The following CATSPERT variants were observed in gnomAD, a reference collection of about 807,000 sequenced individuals.
CATSPERT encodes catsper channel auxiliary subunit tau, also known as cation channel sperm-associated targeting subunit tau.
chr2:201,495,012 T>A, the CATSPERT span, among the ~76,000 whole-genome samples: 1 of 152,140 alleles, frequency 6.6e-6, no homozygotes, highest in Admixed American at 6.5e-5. Context: ...GGAATATTTT[T>A]AAATACTTAA....
At chr2:201,559,715 C>G in the CATSPERT span, among the ~76,000 whole-genome samples, 2 of 152,316 alleles carry the variant, frequency 1.3e-5, no homozygotes, top group Admixed American at 6.5e-5. Context: ...ACTACTGGAT[C>G]CACCTAGAAC....
the CATSPERT span, among the ~76,000 whole-genome samples, chr2:201,533,473 T>C: frequency 1.3e-5 from 2 of 152,220 alleles, no homozygotes; most frequent in South Asian, 4.1e-4. Context: ...AATTTAAGTG[T>C]CTGTTCCAAT....
the CATSPERT span, among the ~76,000 whole-genome samples, chr2:201,562,521 TA>T: frequency 6.1e-3 from 686 of 112,188 alleles, 4 homozygotes; most frequent in African/African-American, 0.019. Flanking sequence ...TTTATTTATT[TA>T]TTTATTTTTT....
the CATSPERT span, among the ~76,000 whole-genome samples, chr2:201,506,293 A>AAACAAAC: frequency 1.3e-5 from 2 of 151,778 alleles, no homozygotes; most frequent in Non-Finnish European, 2.9e-5. Context: ...ACAAACAAAC[A>AAACAAAC]AAACACCAAG....
the CATSPERT span, among the ~76,000 whole-genome samples, chr2:201,592,723 C>T: frequency 6.6e-6 from 1 of 152,020 alleles, no homozygotes. Flanking sequence ...AGTGTATGTG[C>T]CGACGAATTT....
chr2:201,617,239 C>T, the CATSPERT span, among the ~76,000 whole-genome samples: 5 of 152,142 alleles, frequency 3.3e-5, no homozygotes, highest in East Asian at 9.6e-4. Flanking sequence ...AAAAAGAGCC[C>T]ACATTGCCAA....
At chr2:201,537,813 G>C in the CATSPERT span, among the ~76,000 whole-genome samples, 1 of 151,958 alleles carries the variant, frequency 6.6e-6, no homozygotes, top group African/African-American at 2.4e-5. Context: ...AAAGGCATAT[G>C]AAATCAGACA....
chr2:201,506,358 G>C, the CATSPERT span, among the ~76,000 whole-genome samples: 9 of 152,180 alleles, frequency 5.9e-5, no homozygotes, highest in Non-Finnish European at 1.3e-4. Flanking sequence ...ATTATGAATA[G>C]ATGTACAAAA....
At chr2:201,565,740 T>C in the CATSPERT span, 3 of 1,570,968 alleles carry the variant, frequency 1.9e-6, no homozygotes, top group East Asian at 4.5e-5. Flanking sequence ...TTTCCCGGGG[T>C]TGTTGCTGAA....
the CATSPERT span, among the ~76,000 whole-genome samples, chr2:201,552,635 A>C: frequency 6.6e-6 from 1 of 152,188 alleles, no homozygotes; most frequent in Non-Finnish European, 1.5e-5. Flanking sequence ...TTAGTAGTTA[A>C]GTTGTAAGGG....
At chr2:201,509,581 A>T in the CATSPERT span, among the ~76,000 whole-genome samples, 1 of 151,042 alleles carries the variant, frequency 6.6e-6, no homozygotes. Flanking sequence ...TCATGAAAAG[A>T]GATAAGATAT....
the CATSPERT span, among the ~76,000 whole-genome samples, chr2:201,566,329 T>C: frequency 6.6e-6 from 1 of 150,578 alleles, no homozygotes; most frequent in African/African-American, 2.4e-5. Flanking sequence ...TTACATTAGG[T>C]ATATCTCCTA....
the CATSPERT span, among the ~76,000 whole-genome samples, chr2:201,594,290 A>G: frequency 5.9e-5 from 9 of 152,146 alleles, no homozygotes; most frequent in Admixed American, 3.3e-4. Context: ...TTTCTTTAAG[A>G]ATGTTGAATA....
the CATSPERT span, among the ~76,000 whole-genome samples, chr2:201,501,049 G>GA: frequency 6.6e-6 from 1 of 151,990 alleles, no homozygotes; most frequent in Non-Finnish European, 1.5e-5. Context: ...ATGGGACACA[G>GA]AAAAATCGAT....
the CATSPERT span, chr2:201,494,435 A>C: frequency 6.5e-7 from 1 of 1,537,602 alleles, no homozygotes; most frequent in Non-Finnish European, 8.7e-7. Context: ...ATGCTTGGTA[A>C]AGATACATTT....
chr2:201,539,037 G>A, the CATSPERT span, among the ~76,000 whole-genome samples: 12 of 152,234 alleles, frequency 7.9e-5, no homozygotes, highest in Admixed American at 2.0e-4. Context: ...TGGTGTATAT[G>A]TACTACATTT....
the CATSPERT span, chr2:201,619,150 T>A: frequency 6.2e-7 from 1 of 1,612,010 alleles, no homozygotes; most frequent in Non-Finnish European, 8.5e-7. Flanking sequence ...TTCTGCGGCC[T>A]GTCTGCGCCC....
chr2:201,560,309 A>C, the CATSPERT span, among the ~76,000 whole-genome samples: 1 of 151,864 alleles, frequency 6.6e-6, no homozygotes, highest in Non-Finnish European at 1.5e-5. Context: ...CTGTAATTCC[A>C]GCTACTCGGA....
the CATSPERT span, among the ~76,000 whole-genome samples, chr2:201,495,026 G>A: frequency 1.2e-4 from 19 of 152,118 alleles, no homozygotes; most frequent in East Asian, 2.5e-3. Context: ...TACTTAAAAA[G>A]CCACCCATAA....
Sources: allele counts gnomAD v4.1 joint callset (sites outside exome capture counted in the v4.1 genomes callset), GRCh38; gene constraint gnomAD v4.1.1; transcripts MANE v1.5; gene names NCBI Gene and HGNC (gene_info 2026-07-23, HGNC 2026-07-21).